The following NET1 variants were observed in gnomAD, a reference collection of about 807,000 sequenced individuals.
NET1 encodes neuroepithelial cell-transforming gene 1 protein.
Under a neutral mutation model 61.1 loss-of-function variants are expected in NET1, and 42 were observed. The observed-to-expected ratio is 0.69, with a 90% CI of 0.54 to 0.89. The LOEUF is 0.89. Ranked by LOEUF, NET1 falls within the 40% of genes least tolerant of loss-of-function variation. The probability of loss-of-function intolerance (pLI) is 0.00; values close to 1 mark genes in which losing one functional copy is unlikely to be tolerated. For synonymous variants in NET1, 254 were observed against 281.8 expected (o/e 0.90, Z 0.99); for missense variants, 654 against 747.3 (o/e 0.88, Z 1.46).
Position 5,417,537 on chromosome 10 carries a change from A to G in NET1, c.128+4717A>G, listed in dbSNP as rs769729595. Among the ~76,000 whole-genome samples the G allele has an allele frequency of 7.9e-5, 12 of 152,124 alleles. No individual in the cohort carries two copies. The highest frequency in any genetic ancestry group is 1.6e-4 in the Non-Finnish European group (11 of 68,024). ...TTGTATATCGATCTTGGATCCTGCT[A>G]CCTTGCTGAGCTCATTAGTTCTAAT... On this transcript the variant is annotated intron_variant, in intron 1 of 11. Transcript: ENST00000355029. This position sits in a 1 kb window ranked among gnomAD's most constrained non-coding sequence, Gnocchi z 5.5.
chr10:5,436,900 G>A (rs1832446310), intron 3 of NET1, among the ~76,000 whole-genome samples: 1 of 152,154 alleles, frequency 6.6e-6, no homozygotes, highest in Admixed American at 6.5e-5. Flanking sequence ...ACATTGTTTT[G>A]CTGTGACAGA....
chr10:5,413,042 G>C (rs1301472449), intron 1 of NET1, among the ~76,000 whole-genome samples: 1 of 131,344 alleles, frequency 7.6e-6, no homozygotes, highest in African/African-American at 3.0e-5. Context: ...GGGTTGGGGG[G>C]GGGGACGGGG....
In NET1 at chr10:5,453,459, T is replaced by C. The variant is rs535140558; in HGVS notation, c.692-25T>C. On this transcript the variant is annotated intron_variant, in intron 7 of 11. Coordinates refer to ENST00000355029, the MANE Select transcript of NET1 (RefSeq NM_001047160.3). The surrounding 1 kb of genome is among the most constrained non-coding windows in gnomAD (Gnocchi z 4.9). The stretch of plus-strand genomic sequence containing the variant: ...ATTTTTTAAATAAACCTGTTAATGG[T>C]GTTTATGCTTTTTTATCACTTCAGA... The C allele has an allele frequency of 1.2e-5, 19 of 1,610,442 alleles. No individual in the cohort carries two copies. In the Admixed American group the frequency reaches 3.2e-4, roughly 27 times the overall value.
In NET1 at chr10:5,453,935, G is replaced by A. The variant is rs1474337558; in HGVS notation, c.769-330G>A. Among the ~76,000 whole-genome samples, 1 of 152,120 alleles carries A rather than the reference G, an allele frequency of 6.6e-6. No homozygotes were observed. The highest frequency in any genetic ancestry group is 1.5e-5 in the Non-Finnish European group (1 of 68,032). On this transcript the variant is annotated intron_variant, in intron 8 of 11. Transcript: ENST00000355029. The surrounding 1 kb of genome is among the most constrained non-coding windows in gnomAD (Gnocchi z 4.9). ...GTCTCTGCCTTTATAGCCTAGTGAAGGAATAGCCAAGCACATAAACAGTCT... is the reference window on the plus strand; with the variant it reads ...GTCTCTGCCTTTATAGCCTAGTGAAAGAATAGCCAAGCACATAAACAGTCT...
Position 5,449,352 on chromosome 10 carries a change from C to T in NET1, c.256-2478C>T, listed in dbSNP as rs185687746. Among the ~76,000 whole-genome samples, 189 of 152,152 alleles carry T rather than the reference C, an allele frequency of 1.2e-3. 1 individual carries two copies. The highest frequency in any genetic ancestry group is 2.1e-3 in the Non-Finnish European group (143 of 67,994). On this transcript the variant is annotated intron_variant, in intron 3 of 11. Coordinates refer to ENST00000355029, the MANE Select transcript of NET1 (RefSeq NM_001047160.3). This position sits in a 1 kb window ranked among gnomAD's most constrained non-coding sequence, Gnocchi z 4.4. ...AAGCATGTGAAAAAGTGCAAAGTGC[C>T]CTCCTCCTTTCTCTCCCTCTCCCAA... is the stretch of plus-strand genomic sequence containing the variant.
rs1056412470 is a variant in NET1 at position 5,451,826 on chromosome 10, A to G, written c.256-4A>G. 3.2e-5 allele frequency: 52 copies of G among 1,612,320 alleles called. No homozygotes were observed. The highest frequency in any genetic ancestry group is 3.8e-5 in the Non-Finnish European group (45 of 1,178,892). The stretch of plus-strand genomic sequence containing the variant: ...ATTTAGTGTCATCTGGTTTGTTTTT[A>G]TAGGAGCCAAGCAATAAAAGAGTTC... On this transcript the variant is annotated splice_region_variant and splice_polypyrimidine_tract_variant and intron_variant, in intron 3 of 11. Coordinates refer to ENST00000355029, the MANE Select transcript of NET1 (RefSeq NM_001047160.3). This position sits in a 1 kb window ranked among gnomAD's most constrained non-coding sequence, Gnocchi z 6.1.
In NET1 at chr10:5,451,733, C is replaced by G; in HGVS notation, c.256-97C>G. On this transcript the variant is annotated intron_variant, in intron 3 of 11. Coordinates refer to ENST00000355029, the MANE Select transcript of NET1 (RefSeq NM_001047160.3). This position sits in a 1 kb window ranked among gnomAD's most constrained non-coding sequence, Gnocchi z 6.1. ...TCATGTTTCTGTATTTTATAATGTA[C>G]AAAAATTGTTTTGTGAGAGGGCTTT... The G allele has an allele frequency of 1.2e-6, 1 of 819,628 alleles. No homozygotes were observed. Among genetic ancestry groups the G allele is most frequent in the Non-Finnish European group, 1.9e-6 (1 of 521,696 alleles). The allele number at this position is 819,628 out of a possible 1,614,324, so 50.8% of individuals were successfully genotyped here.
intron 3 of NET1, among the ~76,000 whole-genome samples, chr10:5,448,071 T>C (rs1172722083): frequency 6.6e-6 from 1 of 152,238 alleles, no homozygotes; most frequent in Non-Finnish European, 1.5e-5. Context: ...CTCGTTTTTA[T>C]CTTTTTAAAA....
rs1297748718 is a variant in NET1, at chr10:5,449,919, A to T, written c.256-1911A>T. Among the ~76,000 whole-genome samples, 3 of 152,246 alleles carry T rather than the reference A, an allele frequency of 2.0e-5. No individual in the cohort carries two copies. The highest frequency in any genetic ancestry group is 4.4e-5 in the Non-Finnish European group (3 of 68,042). On this transcript the variant is annotated intron_variant, in intron 3 of 11. Coordinates refer to ENST00000355029, the MANE Select transcript of NET1 (RefSeq NM_001047160.3). The surrounding 1 kb of genome is among the most constrained non-coding windows in gnomAD (Gnocchi z 4.4). Reference sequence around the variant, plus strand: ...CCTCTGTTCCCAAAAAGCGGAACAGAACTTTCTGACAACTGCTTTGTTCCA... The same window carrying T: ...CCTCTGTTCCCAAAAAGCGGAACAGTACTTTCTGACAACTGCTTTGTTCCA...
Position 5,437,477 on chromosome 10 carries a change from T to C in NET1, c.255+8248T>C, listed in dbSNP as rs1020803486. Reference sequence around the variant, plus strand: ...TTCATATTAAAAACAGTGCTGTACTTTACCTTCTGGTGCACAAGGAGGGAC... The same window carrying C: ...TTCATATTAAAAACAGTGCTGTACTCTACCTTCTGGTGCACAAGGAGGGAC... On this transcript the variant is annotated intron_variant, in intron 3 of 11. Coordinates refer to ENST00000355029, the MANE Select transcript of NET1 (RefSeq NM_001047160.3). This position sits in a 1 kb window ranked among gnomAD's most constrained non-coding sequence, Gnocchi z 4.3. Among the ~76,000 whole-genome samples, 7 of 152,196 alleles carry C rather than the reference T, an allele frequency of 4.6e-5. No homozygotes were observed. Among genetic ancestry groups the C allele is most frequent in the African/African-American group, 1.7e-4 (7 of 41,460 alleles).
chr10:5,452,091 C>A lies in NET1; in HGVS notation c.363+154C>A, dbSNP rs1217926322. 6.6e-6 allele frequency among the ~76,000 whole-genome samples: 1 copy of A among 152,160 alleles called. No homozygotes were observed. The highest frequency in any genetic ancestry group is 1.5e-5 in the Non-Finnish European group (1 of 68,018). On this transcript the variant is annotated intron_variant, in intron 4 of 11. Transcript: ENST00000355029. The surrounding 1 kb of genome is among the most constrained non-coding windows in gnomAD (Gnocchi z 4.0). ...GCTAGTAAGGAATATTGTTCCAGAA[C>A]AATGTGTAGCCTCATTATATTAATT... is the stretch of plus-strand genomic sequence containing the variant.
chr10:5,455,665 C>T lies in NET1; in HGVS notation c.1198-422C>T, dbSNP rs1022487480. On this transcript the variant is annotated intron_variant, in intron 10 of 11. Coordinates refer to ENST00000355029, the MANE Select transcript of NET1 (RefSeq NM_001047160.3). The surrounding 1 kb of genome is among the most constrained non-coding windows in gnomAD (Gnocchi z 6.5). ...TCTGACATCTTTGATTTTTCCCTCA[C>T]GAGGGGAAAATTTATAAAGGTATAA... is the stretch of plus-strand genomic sequence containing the variant. Among the ~76,000 whole-genome samples, 17 of 152,180 alleles carry T rather than the reference C, an allele frequency of 1.1e-4. No individual in the cohort carries two copies. In the East Asian group the frequency reaches 1.9e-3, roughly 17 times the overall value.
At position 5,456,621 on chromosome 10, in the gene NET1, C is replaced by T. The variant is rs1466589618; in HGVS notation, c.1418C>T (p.Pro473Leu). The T allele has an allele frequency of 1.3e-6, 2 of 1,553,702 alleles. No individual in the cohort carries two copies. Among genetic ancestry groups the T allele is most frequent in the Admixed American group, 4.3e-5 (2 of 46,540 alleles). ...KNIFRIRFHD[P>L]SPAQSHTLQA... ...ATCTTTAGAATTCGCTTCCATGACC[C>T]CTCTCCAGCCCAGTCTCACACTCTG... Residue 473 changes from proline to leucine, a missense_variant, in exon 12 of 12, where the codon CCC (proline) becomes CTC (leucine). By Grantham distance (98) the Pro-to-Leu change is moderately conservative (BLOSUM62 -3). Transcript: ENST00000355029. This position sits in a 1 kb window ranked among gnomAD's most constrained non-coding sequence, Gnocchi z 7.0.
rs906624648 is a variant in NET1, at chr10:5,422,229, C to T, written c.129-4426C>T. 1.9e-4 allele frequency among the ~76,000 whole-genome samples: 29 copies of T among 151,696 alleles called. No individual in the cohort carries two copies. The highest frequency in any genetic ancestry group is 1.7e-4 in the African/African-American group (7 of 41,230). ...GCGTGCCCCTGTAATCCTAGCTACTCGGGAGATTGAGGCAGGAGAATCGCT... is the reference window on the plus strand; with the variant it reads ...GCGTGCCCCTGTAATCCTAGCTACTTGGGAGATTGAGGCAGGAGAATCGCT... On this transcript the variant is annotated intron_variant, in intron 1 of 11. Transcript: ENST00000355029. The surrounding 1 kb of genome is among the most constrained non-coding windows in gnomAD (Gnocchi z 4.1).
chr10:5,430,650 C>T (rs557349516), intron 3 of NET1, among the ~76,000 whole-genome samples: 3 of 152,098 alleles, frequency 2.0e-5, no homozygotes, highest in East Asian at 1.9e-4. Flanking sequence ...GTCACCATGC[C>T]GGACCTTAGA....
At position 5,414,861 on chromosome 10, in the gene NET1, T is replaced by TTA. The variant is rs1832052406; in HGVS notation, c.128+2041_128+2042insTA. 2.0e-5 allele frequency among the ~76,000 whole-genome samples: 3 copies of TTA among 152,148 alleles called. No individual in the cohort carries two copies. In the South Asian group the frequency reaches 6.2e-4, roughly 32 times the overall value. ...TGATATATAGTTTTGAAGAATGGGG[T>TTA]GTGTTGTGAGCAGGAATTTGAGGAC... On this transcript the variant is annotated intron_variant, in intron 1 of 11. Transcript: ENST00000355029.
rs554426076 is a variant in NET1 at position 5,426,402 on chromosome 10, T to C, written c.129-253T>C. Among the ~76,000 whole-genome samples the C allele has an allele frequency of 2.0e-5, 3 of 152,302 alleles. No individual in the cohort carries two copies. Among genetic ancestry groups the C allele is most frequent in the South Asian group, 2.1e-4 (1 of 4,830 alleles). On this transcript the variant is annotated intron_variant, in intron 1 of 11. Transcript: ENST00000355029. The surrounding 1 kb of genome is among the most constrained non-coding windows in gnomAD (Gnocchi z 4.6). ...CTCTGTTGAGTTTGGCAAATTACTT[T>C]TTAAAATAATCTGTTCACTAATTTT...
chr10:5,432,769 CTA>C (rs79965166), intron 3 of NET1, among the ~76,000 whole-genome samples: 1 of 150,398 alleles, frequency 6.6e-6, no homozygotes, highest in Non-Finnish European at 1.5e-5. Context: ...ATATAAGCAA[CTA>C]TATATATATA....
At position 5,452,879 on chromosome 10, in the gene NET1, G is replaced by A; in HGVS notation, c.553G>A (p.Gly185Ser). The change falls in exon 6 of 12, where the codon GGT becomes AGT. Residue 185 changes from glycine to serine, a missense_variant. By Grantham distance (56) the Gly-to-Ser change is moderately conservative. Transcript: ENST00000355029. The surrounding 1 kb of genome is among the most constrained non-coding windows in gnomAD (Gnocchi z 4.0). Reference sequence around the variant, plus strand: ...TTAGGCAATATATGAAATGTCCCGAGGTGAACAGGATTTAATTGAGGATCT... The same window carrying A: ...TTAGGCAATATATGAAATGTCCCGAAGTGAACAGGATTTAATTGAGGATCT... Reference protein sequence around the residue: ...RQEAIYEMSRGEQDLIEDLKL... With the variant: ...RQEAIYEMSRSEQDLIEDLKL... 6.2e-7 allele frequency: 1 copy of A among 1,613,702 alleles called. No individual in the cohort carries two copies. Among genetic ancestry groups the A allele is most frequent in the Non-Finnish European group, 8.5e-7 (1 of 1,179,844 alleles).
Sources: gnomAD v4.1 joint callset for allele counts (sites outside exome capture counted in the v4.1 genomes callset) on GRCh38, gnomAD v4.1.1 for gene constraint, Gnocchi (gnomAD v3.1) non-coding constraint, MANE v1.5 for transcripts, NCBI Gene and HGNC (gene_info 2026-07-23, HGNC 2026-07-21) for gene names.